Variants in CTNND2 observed in about 807,000 individuals in gnomAD.
The protein encoded by CTNND2 is catenin delta 2.
Under a neutral mutation model 144.4 loss-of-function variants are expected in CTNND2, and 22 were observed. The observed-to-expected ratio is 0.15, with a 90% confidence interval of 0.11 to 0.22. The LOEUF (loss-of-function observed/expected upper bound fraction) is 0.22. Among genes scored for constraint, CTNND2 ranks in the 10% least tolerant of loss-of-function variants. CTNND2 has a pLI of 1.00. For missense variants in CTNND2, 1,353 were observed against 1,618.8 expected (o/e 0.84, Z 2.82); for synonymous variants, 751 against 695.6 (o/e 1.08, Z -1.25).
rs561318702 is a variant in CTNND2 at position 11,014,937 on chromosome 5, A to G, written c.3084+3037T>C. Among the ~76,000 whole-genome samples the G allele has an allele frequency of 8.5e-5, 13 of 152,296 alleles. No homozygotes were observed. In the East Asian group the frequency reaches 2.5e-3, roughly 29 times the overall value. On this transcript the variant is annotated intron_variant, in intron 18 of 21. Coordinates refer to ENST00000304623, the MANE Select transcript of CTNND2 (RefSeq NM_001332.4). ...AATGCCTCTCCAGATTTGGTCTATA[A>G]GTTTCTTTCCCTTAATTCATGCTTT...
At chr5:11,051,338 G>A (rs1257952726) in intron 16 of CTNND2, among the ~76,000 whole-genome samples, 1 of 152,086 alleles carries the variant, frequency 6.6e-6, no homozygotes, top group Non-Finnish European at 1.5e-5. Flanking sequence ...ATTTGGCTGG[G>A]GCAATAAGAA....
intron 5 of CTNND2, among the ~76,000 whole-genome samples, chr5:11,398,217 A>G (rs1352970108): frequency 4.6e-5 from 7 of 152,206 alleles, no homozygotes; most frequent in Non-Finnish European, 7.3e-5. Flanking sequence ...TAACCATTAA[A>G]TCATTCTTGA....
At chr5:11,353,253 T>G (rs73742808) in intron 8 of CTNND2, among the ~76,000 whole-genome samples, 2,161 of 152,226 alleles carry the variant, frequency 0.014, 54 homozygotes, top group African/African-American at 0.048. Context: ...AACATCATCC[T>G]CATTAGGTCA....
At chr5:11,827,857 T>C (rs920929535) in intron 1 of CTNND2, among the ~76,000 whole-genome samples, 6 of 152,322 alleles carry the variant, frequency 3.9e-5, no homozygotes, top group Non-Finnish European at 8.8e-5. Flanking sequence ...AAAGAAATTA[T>C]ACCAATTGTA....
At chr5:11,534,108 C>T (rs1561524693) in intron 3 of CTNND2, among the ~76,000 whole-genome samples, 1 of 152,148 alleles carries the variant, frequency 6.6e-6, no homozygotes, top group Non-Finnish European at 1.5e-5. Context: ...AAACAGCCTC[C>T]TACCGTGTTT....
At chr5:11,574,260 T>C (rs1489497633) in intron 2 of CTNND2, among the ~76,000 whole-genome samples, 1 of 152,166 alleles carries the variant, frequency 6.6e-6, no homozygotes, top group Admixed American at 6.5e-5. Context: ...ATGTACCTTA[T>C]TCTGCTAAGT....
intron 16 of CTNND2, among the ~76,000 whole-genome samples, chr5:11,039,960 G>A (rs1332990996): frequency 1.3e-5 from 2 of 152,136 alleles, no homozygotes; most frequent in Non-Finnish European, 2.9e-5. Flanking sequence ...TACTTGGGAG[G>A]CTGAGGCAGA....
intron 2 of CTNND2, among the ~76,000 whole-genome samples, chr5:11,641,688 GTGTGTGTA>G (rs1561648663): frequency 9.1e-5 from 10 of 109,400 alleles, no homozygotes; most frequent in East Asian, 3.2e-4. Flanking sequence ...ATACATATAC[GTGTGTGTA>G]TATACATATA....
chr5:11,074,005 C>T (rs10513064), intron 16 of CTNND2, among the ~76,000 whole-genome samples: 11,058 of 152,280 alleles, frequency 0.073, 712 homozygotes, highest in African/African-American at 0.16. Context: ...CTCAGATCAA[C>T]GTAATAAAGT....
At chr5:11,845,052 CT>C (rs1322023171) in intron 1 of CTNND2, among the ~76,000 whole-genome samples, 1 of 152,050 alleles carries the variant, frequency 6.6e-6, no homozygotes, top group Non-Finnish European at 1.5e-5. Flanking sequence ...TCTCCAGTGG[CT>C]ACTAGCCGAG....
At chr5:11,000,141 A>G (rs1338863002) in intron 18 of CTNND2, among the ~76,000 whole-genome samples, 2 of 152,250 alleles carry the variant, frequency 1.3e-5, no homozygotes, top group African/African-American at 4.8e-5. Context: ...TTCTACTAAC[A>G]GTTTGAATGA....
chr5:11,343,766 G>A (rs894197241), intron 9 of CTNND2, among the ~76,000 whole-genome samples: 3 of 152,132 alleles, frequency 2.0e-5, no homozygotes, highest in East Asian at 3.9e-4. Context: ...CATCAAAGAT[G>A]TAAGTAAGCC....
At chr5:11,345,425 A>G (rs1433279399) in intron 9 of CTNND2, among the ~76,000 whole-genome samples, 1 of 152,230 alleles carries the variant, frequency 6.6e-6, no homozygotes, top group Non-Finnish European at 1.5e-5. Context: ...AACGTAAACC[A>G]TAAAATGATC....
At chr5:11,225,440 G>A (rs1740224145) in intron 10 of CTNND2, among the ~76,000 whole-genome samples, 1 of 152,086 alleles carries the variant, frequency 6.6e-6, no homozygotes, top group Non-Finnish European at 1.5e-5. Flanking sequence ...ACCTGTTCTT[G>A]GTTGACACTA....
At chr5:11,265,333 C>T (rs866764083) in intron 9 of CTNND2, among the ~76,000 whole-genome samples, 3 of 152,136 alleles carry the variant, frequency 2.0e-5, no homozygotes, top group Admixed American at 2.0e-4. Flanking sequence ...TGATGTACAT[C>T]TCAAAGTTTC....
chr5:11,841,560 A>G (rs1363812612), intron 1 of CTNND2, among the ~76,000 whole-genome samples: 1 of 152,218 alleles, frequency 6.6e-6, no homozygotes, highest in African/African-American at 2.4e-5. Context: ...TACAAATAAC[A>G]AAATAGATAT....
chr5:11,118,353 GACAAC>G (rs1753764726), intron 12 of CTNND2, among the ~76,000 whole-genome samples: 1 of 152,220 alleles, frequency 6.6e-6, no homozygotes, highest in Non-Finnish European at 1.5e-5. Context: ...ACTTACTACA[GACAAC>G]ACAACCTGTA....
At chr5:11,745,400 G>A (rs10454932) in intron 1 of CTNND2, among the ~76,000 whole-genome samples, 129,612 of 152,056 alleles carry the variant, frequency 0.85, 57,857 homozygotes, top group Non-Finnish European at 0.98. Flanking sequence ...CAATGAGGCT[G>A]AAGGCCACTG....
chr5:11,663,515 T>C (rs918186908), intron 2 of CTNND2, among the ~76,000 whole-genome samples: 2 of 152,170 alleles, frequency 1.3e-5, no homozygotes, highest in Non-Finnish European at 2.9e-5. Context: ...ATATGATGTC[T>C]TCCTAACAGC....
Sources: gnomAD v4.1 joint callset for allele counts (sites outside exome capture counted in the v4.1 genomes callset) on GRCh38, gnomAD v4.1.1 for gene constraint, MANE v1.5 for transcripts, NCBI Gene and HGNC (gene_info 2026-07-23, HGNC 2026-07-21) for gene names.